The following TRIOBP variants were observed in gnomAD, a reference collection of about 807,000 sequenced individuals.
TRIOBP encodes the protein TRIO and F-actin-binding protein.
In TRIOBP, 169 loss-of-function variants were observed where a neutral mutation model predicts 238.8. That is an observed-to-expected ratio of 0.71 (90% CI 0.62 to 0.80). TRIOBP has a LOEUF of 0.80. Ranked by LOEUF, TRIOBP falls within the 30% of genes least tolerant of loss-of-function variation. The pLI is 0.00. For synonymous variants in TRIOBP, 1,150 were observed against 1,274.4 expected (o/e 0.90, Z 2.08); for missense variants, 2,838 against 3,122.6 (o/e 0.91, Z 2.17).
At position 37,757,775 on chromosome 22, in the gene TRIOBP, G is replaced by T. The variant is rs772971025; in HGVS notation, c.5850G>T (p.Pro1950=). ...CCTTGGACTACGTGGAGCTCTCGCCGCTGACCCAGGCTTCCCCGCAGCGGG... is the reference window on the plus strand; with the variant it reads ...CCTTGGACTACGTGGAGCTCTCGCCTCTGACCCAGGCTTCCCCGCAGCGGG... ...RQALDYVELS[P]LTQASPQRAR... Residue 1950 remains proline, a synonymous_variant, in exon 16 of 24, where the codon CCG becomes CCT. Transcript: ENST00000644935. 1.9e-6 allele frequency: 3 copies of T among 1,550,632 alleles called. No homozygotes were observed. Among genetic ancestry groups the T allele is most frequent in the Non-Finnish European group, 2.6e-6 (3 of 1,147,066 alleles).
intron 6 of TRIOBP, among the ~76,000 whole-genome samples, chr22:37,717,523 A>G (rs2145826202): frequency 6.6e-6 from 1 of 152,230 alleles, no homozygotes; most frequent in East Asian, 1.9e-4. Flanking sequence ...AGCTTGACAC[A>G]AAGGTTCTCC....
At position 37,710,583 on chromosome 22, in the gene TRIOBP, G is replaced by C; in HGVS notation, c.254+17G>C. On this transcript the variant is annotated intron_variant, in intron 4 of 23. Coordinates refer to ENST00000644935, the MANE Select transcript of TRIOBP (RefSeq NM_001039141.3). Reference sequence around the variant, plus strand: ...GCCCAAGAGGTGGGTAGAGTCCCAGGGCCCAGGAAGGGCTTCATGGGGTGG... The same window carrying C: ...GCCCAAGAGGTGGGTAGAGTCCCAGCGCCCAGGAAGGGCTTCATGGGGTGG... The C allele has an allele frequency of 6.2e-7, 1 of 1,604,682 alleles. No homozygotes were observed. Among genetic ancestry groups the C allele is most frequent in the Non-Finnish European group, 8.5e-7 (1 of 1,177,772 alleles).
In TRIOBP at chr22:37,725,719, G is replaced by C; in HGVS notation, c.3163G>C (p.Glu1055Gln). The change falls in exon 7 of 24, where the codon GAG (glutamate) becomes CAG (glutamine). Residue 1055 changes from glutamate to glutamine, a missense_variant. This residue lies in a region of TRIOBP where 2,096 missense variants were observed against 2,137.4 expected (regional missense o/e 0.98). Transcript: ENST00000644935. ...RAPESEPPHH[E>Q]PPYIPPAVCI... ...CCCTGAGAGTGAACCGCCCCACCACGAGCCTCCCTATATACCACCTGCTGT... is the reference window on the plus strand; with the variant it reads ...CCCTGAGAGTGAACCGCCCCACCACCAGCCTCCCTATATACCACCTGCTGT... The C allele has an allele frequency of 6.2e-7, 1 of 1,603,682 alleles. No homozygotes were observed. The highest frequency in any genetic ancestry group is 8.5e-7 in the Non-Finnish European group (1 of 1,177,184).
At chr22:37,716,779 C>G (rs1368486569) in intron 6 of TRIOBP, among the ~76,000 whole-genome samples, 1 of 152,160 alleles carries the variant, frequency 6.6e-6, no homozygotes, top group Non-Finnish European at 1.5e-5. Flanking sequence ...AAACCTGTGC[C>G]TCAGGAAGTT....
intron 5 of TRIOBP, 75 bp from the exon 6 acceptor site, chr22:37,715,688 C>T: frequency 2.0e-6 from 3 of 1,531,910 alleles, no homozygotes; most frequent in Non-Finnish European, 2.7e-6. Context: ...CCTTCTGCCC[C>T]TCTCATTTGG....
At position 37,735,314 on chromosome 22, in the gene TRIOBP, A is replaced by T. The variant is rs1924618488; in HGVS notation, c.4978A>T (p.Thr1660Ser). ...GGTCCAGCTGCCCAGCCCTGCCTGC[A>T]CCTCCACCCAGTGGCCAAAGATCAA... is the stretch of plus-strand genomic sequence containing the variant. ...SPVQLPSPACTSTQWPKIKVT... is the reference protein window; with the variant it reads ...SPVQLPSPACSSTQWPKIKVT... The change falls in exon 9 of 24, where the codon ACC becomes TCC. Residue 1660 changes from threonine (T) to serine (S), a missense_variant. By Grantham distance (58) the Thr-to-Ser change is moderately conservative (BLOSUM62 1). Around this residue, in one of 5 missense-constraint regions of TRIOBP, gnomAD observed 2,096 missense variants for 2,137.4 expected, o/e 0.98. Coordinates refer to ENST00000644935, the MANE Select transcript of TRIOBP (RefSeq NM_001039141.3). The T allele has an allele frequency of 6.2e-7, 1 of 1,612,606 alleles. No individual in the cohort carries two copies.
intron 11 of TRIOBP, among the ~76,000 whole-genome samples, chr22:37,749,520 G>A (rs1336851564): frequency 6.6e-6 from 1 of 152,178 alleles, no homozygotes; most frequent in East Asian, 1.9e-4. Flanking sequence ...AAAGGCGGAA[G>A]GAGAAACTGA....
In TRIOBP at chr22:37,771,713, G is replaced by A. The variant is rs1420178992; in HGVS notation, c.6913G>A (p.Asp2305Asn). 2 of 1,614,130 alleles carry A rather than the reference G, an allele frequency of 1.2e-6. No homozygotes were observed. Among genetic ancestry groups the A allele is most frequent in the Admixed American group, 1.7e-5 (1 of 60,012 alleles). The change falls in exon 22 of 24, where the codon GAC becomes AAC. Residue 2305 changes from aspartate (D) to asparagine (N), a missense_variant. Coordinates refer to ENST00000644935, the MANE Select transcript of TRIOBP (RefSeq NM_001039141.3). Reference sequence around the variant, plus strand: ...AAAGAAGGAGGTGCAGTGCCTCCGGGACGAGCTCCAGATGATGCAGAAGGT... The same window carrying A: ...AAAGAAGGAGGTGCAGTGCCTCCGGAACGAGCTCCAGATGATGCAGAAGGT... Reference protein sequence around the residue: ...YLKKEVQCLRDELQMMQKDKR... With the variant: ...YLKKEVQCLRNELQMMQKDKR...
In TRIOBP at chr22:37,772,654, C is replaced by T. The variant is rs1462296809; in HGVS notation, c.6990C>T (p.His2330=). The change falls in exon 23 of 24, where the codon CAC becomes CAT. Residue 2330 remains histidine (H), a synonymous_variant. Transcript: ENST00000644935. ...KYQDVYVELS[H]IKTRSEREIE... is the part of the protein sequence containing the mutation. Reference sequence around the variant, plus strand: ...AGGACGTCTATGTGGAGCTGAGCCACATCAAGACACGGTCTGAGCGGGAGA... The same window carrying T: ...AGGACGTCTATGTGGAGCTGAGCCATATCAAGACACGGTCTGAGCGGGAGA... The T allele has an allele frequency of 6.2e-7, 1 of 1,614,070 alleles. No homozygotes were observed. Among genetic ancestry groups the T allele is most frequent in the African/African-American group, 1.3e-5 (1 of 74,932 alleles).
At chr22:37,742,164 G>C (rs1480294572) in intron 11 of TRIOBP, among the ~76,000 whole-genome samples, 1 of 151,622 alleles carries the variant, frequency 6.6e-6, no homozygotes, top group Non-Finnish European at 1.5e-5. Flanking sequence ...TCACCATGTT[G>C]GCCAGGCTGG....
intron 12 of TRIOBP, among the ~76,000 whole-genome samples, chr22:37,753,919 G>A (rs1312148250): frequency 6.6e-6 from 1 of 152,196 alleles, no homozygotes; most frequent in Non-Finnish European, 1.5e-5. Context: ...GTGACCAGAA[G>A]CCCAGAGGTG....
At chr22:37,765,546 G>A in intron 17 of TRIOBP, 124 bp from the exon 18 acceptor site, 2 of 1,289,914 alleles carry the variant, frequency 1.6e-6, no homozygotes, top group Non-Finnish European at 2.2e-6. Context: ...GGTGCAGACT[G>A]GAGGTGCTGG....
chr22:37,701,476 C>T lies in TRIOBP; in HGVS notation c.111C>T (p.Tyr37=). ...CTGAGGAGGCCCATGGAGCAAGATACCAGGTGGGCCAGTTTTCCACGTGGT... is the reference window on the plus strand; with the variant it reads ...CTGAGGAGGCCCATGGAGCAAGATATCAGGTGGGCCAGTTTTCCACGTGGT... The part of the protein sequence containing the change: ...FHPEEAHGAR[Y]QELRSPSGAE... The change falls in exon 3 of 24, where the codon TAC becomes TAT. Residue 37 remains tyrosine (Y), a synonymous_variant. Transcript: ENST00000644935. 6.2e-7 allele frequency: 1 copy of T among 1,608,004 alleles called. No individual in the cohort carries two copies. The highest frequency in any genetic ancestry group is 8.5e-7 in the Non-Finnish European group (1 of 1,177,156).
At chr22:37,759,492 G>A (rs1472751686) in intron 17 of TRIOBP, 4 of 1,605,014 alleles carry the variant, frequency 2.5e-6, no homozygotes, top group African/African-American at 1.3e-5. Flanking sequence ...CTTGCCCAAG[G>A]TCACCCCGCC....
chr22:37,726,554 G>A, intron 7 of TRIOBP, 51 bp downstream of exon 7: 1 of 1,423,058 alleles, frequency 7.0e-7, no homozygotes. Flanking sequence ...AGGCTCGGCA[G>A]CAGGACAGGT....
At position 37,735,208 on chromosome 22, in the gene TRIOBP, G is replaced by A. The variant is rs750662024; in HGVS notation, c.4872G>A (p.Gln1624=). 10 of 1,607,846 alleles carry A rather than the reference G, an allele frequency of 6.2e-6. No homozygotes were observed. The highest frequency in any genetic ancestry group is 7.7e-6 in the Non-Finnish European group (9 of 1,175,666). The stretch of plus-strand genomic sequence containing the variant: ...CAGGCACAAACGATGTCCCTGAGCA[G>A]GAGTCACACAGCCAGCCAGAAGGCT... ...GPPGTNDVPE[Q]ESHSQPEGWA... The change falls in exon 9 of 24, where the codon CAG becomes CAA. Residue 1624 remains glutamine (Q), a synonymous_variant. Coordinates refer to ENST00000644935, the MANE Select transcript of TRIOBP (RefSeq NM_001039141.3).
chr22:37,720,296 C>T (rs1389123997), intron 6 of TRIOBP, among the ~76,000 whole-genome samples: 3 of 152,080 alleles, frequency 2.0e-5, no homozygotes, highest in Admixed American at 2.0e-4. Flanking sequence ...GGATTACAGG[C>T]GTGAGTGACC....
intron 10 of TRIOBP, among the ~76,000 whole-genome samples, chr22:37,739,636 G>A (rs934533013): frequency 2.6e-5 from 4 of 152,142 alleles, no homozygotes; most frequent in South Asian, 2.1e-4. Flanking sequence ...TGCTGCCCCC[G>A]TCCCTGCCCC....
intron 10 of TRIOBP, 30 bp downstream of exon 10, chr22:37,738,749 G>A (rs200935727): frequency 1.6e-5 from 26 of 1,609,468 alleles, no homozygotes; most frequent in East Asian, 6.7e-5. Context: ...GGGTACATAC[G>A]GTGGGGAAGG....
Sources: gnomAD v4.1 joint callset for allele counts (sites outside exome capture counted in the v4.1 genomes callset) on GRCh38, gnomAD v4.1.1 for gene constraint, gnomAD v4.1.1 regional missense constraint, MANE v1.5 for transcripts, NCBI Gene and HGNC (gene_info 2026-07-23, HGNC 2026-07-21) for gene names.